DNAAF11: variants seen among roughly 807,000 people sequenced by gnomAD.
DNAAF11 encodes leucine rich repeat containing 6.
DNAAF11 carries 45 observed loss-of-function variants against 60.8 expected under a neutral mutation model. The ratio of observed to expected loss-of-function variants is 0.74; its 90% CI spans 0.58 to 0.95. The LOEUF is 0.95. Among genes scored for constraint, DNAAF11 ranks in the 40% least tolerant of loss-of-function variants. The pLI, the probability that DNAAF11 is intolerant of heterozygous loss-of-function variation, is 0.00. For synonymous variants in DNAAF11, 191 were observed against 183.5 expected (o/e 1.04, Z -0.33); for missense variants, 546 against 546.2 (o/e 1.00, Z 0.00).
chr8:132,643,631 A>G, intron 3 of DNAAF11: 2 of 456,238 alleles, frequency 4.4e-6, no homozygotes, highest in Non-Finnish European at 8.8e-6. Flanking sequence ...AACCTTGCAG[A>G]TGGTGTGAGA....
At chr8:132,580,993 C>T (rs547496620) in intron 11 of DNAAF11, among the ~76,000 whole-genome samples, 3 of 152,174 alleles carry the variant, frequency 2.0e-5, no homozygotes, top group Non-Finnish European at 4.4e-5. Context: ...CAGAGGCAAA[C>T]CCATACAGAT....
At position 132,625,284 on chromosome 8, in the gene DNAAF11, T is replaced by C. The variant is rs1353804108; in HGVS notation, c.824A>G (p.Gln275Arg). ...LRHMEKQRKK[Q>R]EKLSEKKKKV... ...AAGAATGAAATACCTTAATTTTTCCTGTTTCTTCCGTTGTTTTTCCATGTG... is the reference window on the plus strand; with the variant it reads ...AAGAATGAAATACCTTAATTTTTCCCGTTTCTTCCGTTGTTTTTCCATGTG... Residue 275 changes from glutamine (Q) to arginine (R), a missense_variant, in exon 6 of 12, where the codon CAG becomes CGG. Transcript: ENST00000620350. The C allele has an allele frequency of 6.2e-7, 1 of 1,602,026 alleles. No individual in the cohort carries two copies. The highest frequency in any genetic ancestry group is 1.7e-5 in the Admixed American group (1 of 57,818).
intron 10 of DNAAF11, among the ~76,000 whole-genome samples, chr8:132,588,413 C>G (rs1034142521): frequency 2.6e-5 from 4 of 152,110 alleles, no homozygotes; most frequent in Non-Finnish European, 2.9e-5. Flanking sequence ...TCACTTTCTC[C>G]CACAGTTTCA....
At chr8:132,675,396 G>T in intron 1 of DNAAF11, 88 bp downstream of exon 1, 1 of 1,433,108 alleles carries the variant, frequency 7.0e-7, no homozygotes, top group Non-Finnish European at 9.5e-7. Flanking sequence ...GACAGCGCAG[G>T]GCGGGAGCGG....
intron 11 of DNAAF11, among the ~76,000 whole-genome samples, chr8:132,573,013 C>T (rs1293934735): frequency 6.6e-6 from 1 of 152,144 alleles, no homozygotes; most frequent in Non-Finnish European, 1.5e-5. Flanking sequence ...TCTGCACTCA[C>T]TCAGTTTTCT....
intron 3 of DNAAF11, among the ~76,000 whole-genome samples, chr8:132,646,564 C>G (rs929921123): frequency 6.6e-6 from 1 of 152,072 alleles, no homozygotes; most frequent in African/African-American, 2.4e-5. Flanking sequence ...GAGTCAAGAC[C>G]CATCAGTGTG....
At position 132,572,124 on chromosome 8, in the gene DNAAF11, A is replaced by G; in HGVS notation, c.*182T>C. The G allele has an allele frequency of 2.1e-6, 1 of 475,702 alleles. No homozygotes were observed. Among genetic ancestry groups the G allele is most frequent in the Non-Finnish European group, 3.7e-6 (1 of 267,044 alleles). The allele number at this position is 475,702 out of a possible 1,614,324, so 29.5% of individuals were successfully genotyped here. On this transcript the variant is annotated 3_prime_UTR_variant, in exon 12 of 12. Coordinates refer to ENST00000620350, the MANE Select transcript of DNAAF11 (RefSeq NM_012472.6). ...TAAATGATGAGTTATAGCATTTAAG[A>G]CATACATTTTAATTTTAAGCTATCT...
intron 10 of DNAAF11, among the ~76,000 whole-genome samples, chr8:132,599,294 C>A (rs1817347287): frequency 6.6e-6 from 1 of 152,018 alleles, no homozygotes; most frequent in African/African-American, 2.4e-5. Context: ...AGCCTACCAA[C>A]CAAAAAAAGT....
At chr8:132,618,890 C>T (rs914304642) in intron 7 of DNAAF11, among the ~76,000 whole-genome samples, 22 of 152,108 alleles carry the variant, frequency 1.4e-4, no homozygotes, top group Middle Eastern at 3.4e-3. Context: ...GTCAGTGTGG[C>T]GATTCCTCAG....
In DNAAF11 at chr8:132,570,625, G is replaced by T. The variant is rs1419580810; in HGVS notation, c.*1681C>A. Among the ~76,000 whole-genome samples the T allele has an allele frequency of 1.3e-5, 2 of 152,130 alleles. No homozygotes were observed. Among genetic ancestry groups the T allele is most frequent in the Admixed American group, 1.3e-4 (2 of 15,272 alleles). On this transcript the variant is annotated 3_prime_UTR_variant, in exon 12 of 12. Transcript: ENST00000620350. ...AATTTCCTTCCCTACGTGGTTCCTG[G>T]GTAGAGTTGACCATGAAGAAAGGTG...
At chr8:132,662,025 T>C (rs371707321) in intron 1 of DNAAF11, among the ~76,000 whole-genome samples, 7 of 152,318 alleles carry the variant, frequency 4.6e-5, no homozygotes, top group Admixed American at 2.0e-4. Context: ...AGAGGCACAG[T>C]TGAGCTGTCA....
the DNAAF11 span, among the ~76,000 whole-genome samples, chr8:132,701,526 T>A: frequency 3.8e-3 from 576 of 152,214 alleles, 6 homozygotes; most frequent in African/African-American, 0.013. Context: ...GTTGTCTACA[T>A]CTTGACTGTG....
rs553261130 is a variant in DNAAF11, at chr8:132,581,501, T to C, written c.1226+2193A>G. Among the ~76,000 whole-genome samples the C allele has an allele frequency of 5.9e-5, 9 of 151,536 alleles. No individual in the cohort carries two copies. The East Asian group carries it at 1.8e-3, about 30-fold the overall frequency. On this transcript the variant is annotated intron_variant, in intron 11 of 11. Transcript: ENST00000620350. ...CCTGTCTCTACTAAAAATACAAAAA[T>C]TAACCAGGCATGGTGGCAGGCACCA...
In DNAAF11 at chr8:132,614,916, T is replaced by C. The variant is rs117077775; in HGVS notation, c.974+122A>G. 8.9e-6 allele frequency: 5 copies of C among 564,330 alleles called. No homozygotes were observed. In the Admixed American group the frequency reaches 9.6e-5, roughly 11 times the overall value. The allele number at this position is 564,330 out of a possible 1,614,324, so 35.0% of individuals were successfully genotyped here. A position where few individuals can be genotyped will look rare whatever the true frequency, so the allele number is the denominator to read the frequency against. On this transcript the variant is annotated intron_variant, in intron 8 of 11. Coordinates refer to ENST00000620350, the MANE Select transcript of DNAAF11 (RefSeq NM_012472.6). ...ATAGTAACTTCTCTGTCTTAACAAA[T>C]AAGCTTCATTTAACTATAGGTCTAA...
intron 3 of DNAAF11, among the ~76,000 whole-genome samples, chr8:132,655,844 A>G (rs968435001): frequency 1.3e-5 from 2 of 152,218 alleles, no homozygotes; most frequent in Non-Finnish European, 2.9e-5. Flanking sequence ...CTTAAAAAAT[A>G]TTGTTTATAG....
chr8:132,616,038 G>A (rs1350641086), intron 7 of DNAAF11, among the ~76,000 whole-genome samples: 1 of 152,000 alleles, frequency 6.6e-6, no homozygotes, highest in African/African-American at 2.4e-5. Flanking sequence ...CCTCATCTCA[G>A]GAGCCTTTTT....
intron 3 of DNAAF11, among the ~76,000 whole-genome samples, chr8:132,648,773 G>A (rs566810943): frequency 3.9e-5 from 6 of 152,214 alleles, no homozygotes; most frequent in African/African-American, 1.4e-4. Flanking sequence ...GCTTCAAAGA[G>A]AATAAAATAC....
intron 1 of DNAAF11, among the ~76,000 whole-genome samples, chr8:132,674,242 C>T (rs1258750501): frequency 2.0e-5 from 3 of 150,396 alleles, no homozygotes; most frequent in African/African-American, 7.4e-5. Context: ...AAGAAAAAAA[C>T]CAACTAGGGT....
At chr8:132,698,471 C>T in the DNAAF11 span, among the ~76,000 whole-genome samples, 2 of 152,138 alleles carry the variant, frequency 1.3e-5, no homozygotes, top group Admixed American at 1.3e-4. Flanking sequence ...ATTCAGTTCC[C>T]TTTGGTACTG....
Sources: allele counts gnomAD v4.1 joint callset (sites outside exome capture counted in the v4.1 genomes callset), GRCh38; gene constraint gnomAD v4.1.1; transcripts MANE v1.5; gene names NCBI Gene and HGNC (gene_info 2026-07-23, HGNC 2026-07-21).